Variants in SYNE1 observed in about 807,000 individuals in gnomAD.
SYNE1 encodes nesprin-1.
In SYNE1, 616 loss-of-function variants were observed where a neutral mutation model predicts 1,111.0. The ratio of observed to expected loss-of-function variants is 0.55; its 90% CI spans 0.52 to 0.59. The LOEUF is 0.59. Among genes scored for constraint, SYNE1 ranks in the 20% least tolerant of loss-of-function variants. The pLI, the probability that SYNE1 is intolerant of heterozygous loss-of-function variation, is 0.00. For synonymous variants in SYNE1, 3,855 were observed against 3,825.8 expected (o/e 1.01, Z -0.28); for missense variants, 10,006 against 10,417.0 (o/e 0.96, Z 1.72).
intron 30 of SYNE1, among the ~76,000 whole-genome samples, chr6:152,443,927 A>G (rs1238267306): frequency 1.3e-5 from 2 of 152,214 alleles, no homozygotes; most frequent in Admixed American, 6.5e-5. Context: ...TCTAATCTTT[A>G]TAAGAGTGTA....
chr6:152,311,631 G>A (rs2153837690), intron 87 of SYNE1, among the ~76,000 whole-genome samples: 1 of 152,288 alleles, frequency 6.6e-6, no homozygotes, highest in Admixed American at 6.5e-5. Context: ...ACAGATGAGG[G>A]GGAAGAGGAA....
intron 38 of SYNE1, among the ~76,000 whole-genome samples, chr6:152,426,749 T>C (rs141058684): frequency 1.3e-5 from 2 of 152,322 alleles, no homozygotes; most frequent in East Asian, 1.9e-4. Flanking sequence ...GAGAAGGGAC[T>C]TTGTGGAAGA....
At chr6:152,429,414 C>A (rs955360754) in intron 36 of SYNE1, among the ~76,000 whole-genome samples, 4 of 152,082 alleles carry the variant, frequency 2.6e-5, no homozygotes, top group African/African-American at 9.7e-5. Context: ...AAATAAGTAA[C>A]GCAAAAGTGT....
chr6:152,521,410 T>G (rs1453805221), intron 5 of SYNE1, among the ~76,000 whole-genome samples: 1 of 152,194 alleles, frequency 6.6e-6, no homozygotes, highest in Non-Finnish European at 1.5e-5. Context: ...TGACTTCCAT[T>G]TGTAAAGTAA....
chr6:152,364,666 G>GGGAAGGAGGAAGGA (rs1192030269), intron 63 of SYNE1, among the ~76,000 whole-genome samples, 181 bp downstream of exon 63: 25 of 130,256 alleles, frequency 1.9e-4, no homozygotes, highest in African/African-American at 6.4e-4. Flanking sequence ...GAGTGAGGGA[G>GGGAAGGAGGAAGGA]GGAAGGAGGA....
chr6:152,444,599 A>G (rs746905592), intron 29 of SYNE1, 21 bp from the exon 30 acceptor site: 99 of 1,600,882 alleles, frequency 6.2e-5, no homozygotes, highest in Non-Finnish European at 8.2e-5. Flanking sequence ...ATGAAAAAAA[A>G]AAACACGTAA....
At position 152,385,844 on chromosome 6, in the gene SYNE1, A is replaced by G; in HGVS notation, c.8488-6T>C. 7 of 1,613,950 alleles carry G rather than the reference A, an allele frequency of 4.3e-6. No homozygotes were observed. In the South Asian group the frequency reaches 7.7e-5, roughly 18 times the overall value. Reference sequence around the variant, plus strand: ...TCCACTTTCCTCATTTTTTCCTAGTAAACAAAGAAAAGACTACCTTAACAG... The same window carrying G: ...TCCACTTTCCTCATTTTTTCCTAGTGAACAAAGAAAAGACTACCTTAACAG... On this transcript the variant is annotated splice_region_variant and splice_polypyrimidine_tract_variant and intron_variant, in intron 54 of 145. Transcript: ENST00000367255.
chr6:152,595,531 T>G (rs544493573), intron 3 of SYNE1, among the ~76,000 whole-genome samples: 2 of 152,328 alleles, frequency 1.3e-5, no homozygotes, highest in East Asian at 3.9e-4. Flanking sequence ...TTGTAGAAGT[T>G]TATTAAATAG....
intron 77 of SYNE1, among the ~76,000 whole-genome samples, chr6:152,333,652 A>T (rs9383988): frequency 0.047 from 7,090 of 152,160 alleles, 210 homozygotes; most frequent in East Asian, 0.15. Flanking sequence ...TATTTTTTTG[A>T]GACAGGGTCT....
intron 3 of SYNE1, among the ~76,000 whole-genome samples, chr6:152,557,117 A>G (rs982808426): frequency 6.6e-6 from 1 of 152,178 alleles, no homozygotes; most frequent in Admixed American, 6.5e-5. Context: ...GAAACCATAC[A>G]AAAGAACAAA....
At chr6:152,482,743 G>C (rs911577535) in intron 14 of SYNE1, among the ~76,000 whole-genome samples, 1 of 152,066 alleles carries the variant, frequency 6.6e-6, no homozygotes, top group African/African-American at 2.4e-5. Flanking sequence ...GCAGAAATGA[G>C]GTCTGGAGCC....
chr6:152,449,470 T>A, intron 28 of SYNE1, 63 bp downstream of exon 28: 2 of 1,206,650 alleles, frequency 1.7e-6, no homozygotes, highest in South Asian at 1.2e-5. Context: ...ACCGTTAGAT[T>A]CTCTAACATT....
chr6:152,488,313 C>T (rs1449145465), intron 12 of SYNE1, 83 bp downstream of exon 12: 4 of 712,230 alleles, frequency 5.6e-6, no homozygotes, highest in Non-Finnish European at 9.7e-6. Flanking sequence ...TAATTTGAAG[C>T]ATTAAATGGA....
At position 152,381,278 on chromosome 6, in the gene SYNE1, C is replaced by T; in HGVS notation, c.8737G>A (p.Ala2913Thr). ...GTGTGCATGAGCTCACACCCACTGGCAGTTGTGTTCTGTTTCACTTCGGGA... is the reference window on the plus strand; with the variant it reads ...GTGTGCATGAGCTCACACCCACTGGTAGTTGTGTTCTGTTTCACTTCGGGA... ...LAPEVKQNTT[A>T]SGCELMHTEM... Residue 2913 changes from alanine to threonine, a missense_variant, in exon 56 of 146, where the codon GCC becomes ACC. Coordinates refer to ENST00000367255, the MANE Select transcript of SYNE1 (RefSeq NM_182961.4). 6.2e-7 allele frequency: 1 copy of T among 1,614,236 alleles called. No homozygotes were observed. The highest frequency in any genetic ancestry group is 1.1e-5 in the South Asian group (1 of 91,090).
At chr6:152,304,656 A>C (rs2095317913) in intron 91 of SYNE1, among the ~76,000 whole-genome samples, 1 of 152,184 alleles carries the variant, frequency 6.6e-6, no homozygotes, top group Non-Finnish European at 1.5e-5. Flanking sequence ...AGACAGAGTT[A>C]GTATTAGGCC....
intron 14 of SYNE1, among the ~76,000 whole-genome samples, chr6:152,476,889 A>G (rs959859503): frequency 3.3e-5 from 5 of 152,024 alleles, no homozygotes; most frequent in Non-Finnish European, 7.4e-5. Context: ...AAAGAAAAGA[A>G]AAGAAAGAAA....
chr6:152,528,845 T>A (rs1318845728), intron 4 of SYNE1, among the ~76,000 whole-genome samples: 2 of 152,228 alleles, frequency 1.3e-5, no homozygotes, highest in Non-Finnish European at 2.9e-5. Flanking sequence ...ACTTTTTCTA[T>A]TGATAATAAA....
chr6:152,408,791 T>C (rs1183970771), intron 44 of SYNE1, among the ~76,000 whole-genome samples: 2 of 152,044 alleles, frequency 1.3e-5, no homozygotes, highest in Non-Finnish European at 2.9e-5. Context: ...CCGTCTCTAC[T>C]AAAAACACAA....
chr6:152,323,615 C>T lies in SYNE1; in HGVS notation c.15780G>A (p.Glu5260=). ...CCAAGGCCGACTGCTGCTGCTCCAG[C>T]TCCAGAACGAACGTGTCGTGGTATT... ...LLEYHDTFVL[E]LEQQQSALGM... Residue 5260 remains glutamate, a synonymous_variant, in exon 82 of 146, where the codon GAG becomes GAA. Transcript: ENST00000367255. 6.2e-7 allele frequency: 1 copy of T among 1,614,240 alleles called. No individual in the cohort carries two copies. Among genetic ancestry groups the T allele is most frequent in the South Asian group, 1.1e-5 (1 of 91,080 alleles).
Sources: gnomAD v4.1 joint callset for allele counts (sites outside exome capture counted in the v4.1 genomes callset) on GRCh38, gnomAD v4.1.1 for gene constraint, MANE v1.5 for transcripts, NCBI Gene and HGNC (gene_info 2026-07-23, HGNC 2026-07-21) for gene names.